GRB10: variants seen among roughly 807,000 people sequenced by gnomAD.
The protein encoded by GRB10 is growth factor receptor bound protein 10.
Under a neutral mutation model 80.9 loss-of-function variants are expected in GRB10, and 20 were observed. The ratio of observed to expected loss-of-function variants is 0.25; its 90% CI spans 0.17 to 0.36. GRB10 has a LOEUF of 0.36. GRB10 is among the 10% of genes least tolerant of loss of function. The pLI is 1.00. For synonymous variants in GRB10, 291 were observed against 291.5 expected, an observed-to-expected ratio of 1.00 and a Z score of 0.02; for missense variants, 548 against 747.7, an observed-to-expected ratio of 0.73 and a Z score of 3.12.
chr7:50,737,546 T>C (rs989898343), intron 3 of GRB10, among the ~76,000 whole-genome samples: 4 of 152,230 alleles, frequency 2.6e-5, no homozygotes, highest in Admixed American at 6.5e-5. Context: ...TAGTTCTTTA[T>C]AGCAATATAA....
chr7:50,669,766 G>C lies in GRB10; in HGVS notation c.460C>G (p.Leu154Val), dbSNP rs1337087416. Residue 154 changes from leucine (L) to valine (V), a missense_variant, in exon 7 of 19, where the codon CTC becomes GTC. Physicochemically the swap from Leu to Val is conservative, Grantham distance 32. Around this residue, in one of 4 missense-constraint regions of GRB10, gnomAD observed 245 missense variants for 229.3 expected, o/e 1.07. Coordinates refer to ENST00000401949, the MANE Select transcript of GRB10 (RefSeq NM_001350814.2). ...CTCGGAGGTAAAGAACCCGGCGTGA[G>C]CACAGGGGGGCTCCCAGGGCCACAG... ...ELCGPGSPPV[L>V]TPGSLPPSQA... is the part of the protein sequence containing the mutation. 5.6e-6 allele frequency: 9 copies of C among 1,613,816 alleles called. No homozygotes were observed. Among genetic ancestry groups the C allele is most frequent in the Middle Eastern group, 1.6e-4 (1 of 6,084 alleles).
intron 7 of GRB10, among the ~76,000 whole-genome samples, chr7:50,642,457 CATACAT>C (rs1219448402): frequency 1.3e-5 from 2 of 151,584 alleles, no homozygotes; most frequent in African/African-American, 4.9e-5. Flanking sequence ...ACACATGCTT[CATACAT>C]ACATATACAT....
Position 50,614,862 on chromosome 7 carries a change from G to A in GRB10, c.1003C>T (p.Leu335=), listed in dbSNP as rs755175774. Residue 335 remains leucine, a synonymous_variant, in exon 12 of 19, where the codon CTG becomes TTG. Coordinates refer to ENST00000401949, the MANE Select transcript of GRB10 (RefSeq NM_001350814.2). ...TTGCTGTCCTCCAGGTCGGCCAGCA[G>A]CTGCAGGTGTCTGGGTTCCTGTGAC... The part of the protein sequence containing the change: ...GTSKEPRHLQ[L]LADLEDSNIF... 2.1e-5 allele frequency: 34 copies of A among 1,613,428 alleles called. No individual in the cohort carries two copies. The highest frequency in any genetic ancestry group is 2.8e-5 in the Non-Finnish European group (33 of 1,179,404).
intron 5 of GRB10, among the ~76,000 whole-genome samples, chr7:50,675,128 C>T (rs143803662): frequency 6.6e-6 from 1 of 152,352 alleles, no homozygotes; most frequent in East Asian, 1.9e-4. Flanking sequence ...CCAACACTGA[C>T]ACTGGTTCCA....
chr7:50,637,884 C>T (rs560252244), intron 7 of GRB10, among the ~76,000 whole-genome samples: 5 of 152,102 alleles, frequency 3.3e-5, no homozygotes, highest in African/African-American at 4.8e-5. Context: ...ATAGAGAACA[C>T]AGAAATAAAG....
intron 3 of GRB10, among the ~76,000 whole-genome samples, chr7:50,747,360 T>C (rs2073141201): frequency 6.6e-6 from 1 of 152,188 alleles, no homozygotes; most frequent in South Asian, 2.1e-4. Context: ...ACAAAGGCGC[T>C]TACAGTCAAA....
intron 5 of GRB10, among the ~76,000 whole-genome samples, chr7:50,697,818 C>T (rs116249530): frequency 8.1e-4 from 123 of 152,288 alleles, no homozygotes; most frequent in African/African-American, 2.8e-3. Flanking sequence ...TGGGCTGAAC[C>T]ACCCCCACCC....
intron 3 of GRB10, among the ~76,000 whole-genome samples, chr7:50,745,515 C>A (rs534057632): frequency 6.6e-6 from 1 of 152,168 alleles, no homozygotes; most frequent in Non-Finnish European, 1.5e-5. Context: ...CCAACTATAA[C>A]CCCCACTGGT....
chr7:50,693,945 A>G (rs1207164590), intron 5 of GRB10, among the ~76,000 whole-genome samples: 6 of 150,972 alleles, frequency 4.0e-5, no homozygotes, highest in Non-Finnish European at 7.4e-5. Flanking sequence ...GGAGCAACAA[A>G]GTGTCTCTGG....
chr7:50,749,134 G>GTTGT (rs2073659870), intron 3 of GRB10, among the ~76,000 whole-genome samples: 1 of 137,906 alleles, frequency 7.3e-6, no homozygotes, highest in Non-Finnish European at 1.5e-5. Flanking sequence ...TTTTTTGTTT[G>GTTGT]TTTTTTTTTT....
At chr7:50,704,390 C>CT (rs1298645998) in intron 4 of GRB10, among the ~76,000 whole-genome samples, 1 of 152,144 alleles carries the variant, frequency 6.6e-6, no homozygotes, top group Non-Finnish European at 1.5e-5. Flanking sequence ...GTGAGAACAA[C>CT]ACTTTCAGGC....
At chr7:50,652,075 T>C (rs1322589889) in intron 7 of GRB10, among the ~76,000 whole-genome samples, 1 of 152,224 alleles carries the variant, frequency 6.6e-6, no homozygotes, top group African/African-American at 2.4e-5. Flanking sequence ...TAGGTAGAAT[T>C]TTGGATTTCA....
intron 13 of GRB10, among the ~76,000 whole-genome samples, chr7:50,608,817 T>A (rs2048972588): frequency 6.6e-6 from 1 of 151,760 alleles, no homozygotes; most frequent in Non-Finnish European, 1.5e-5. Context: ...ATACAAAAAT[T>A]AGCTGGGCAT....
At chr7:50,700,040 G>A (rs544655428) in intron 5 of GRB10, among the ~76,000 whole-genome samples, 5 of 152,164 alleles carry the variant, frequency 3.3e-5, no homozygotes, top group Admixed American at 2.6e-4. Flanking sequence ...TCGGGAGGCT[G>A]AGGCAGGAGA....
In GRB10 at chr7:50,669,821, C is replaced by T. The variant is rs2060179596; in HGVS notation, c.405G>A (p.Leu135=). ...CAGGAAAAGGATTGGGGATGGCCGG[C>T]AGAGATGAGGTTCTAAACTGCTGGT... The part of the protein sequence containing the change: ...EEDQQFRTSS[L]PAIPNPFPEL... Residue 135 remains leucine (L), a synonymous_variant, in exon 7 of 19, where the codon CTG becomes CTA. Coordinates refer to ENST00000401949, the MANE Select transcript of GRB10 (RefSeq NM_001350814.2). 6.2e-7 allele frequency: 1 copy of T among 1,613,752 alleles called. No individual in the cohort carries two copies. Among genetic ancestry groups the T allele is most frequent in the East Asian group, 2.2e-5 (1 of 44,864 alleles).
chr7:50,627,107 G>C, intron 7 of GRB10, 129 bp from the exon 8 acceptor site: 1 of 927,386 alleles, frequency 1.1e-6, no homozygotes, highest in Admixed American at 1.8e-5. Context: ...GTTTTTCCAG[G>C]CAGCCAACAG....
intron 13 of GRB10, among the ~76,000 whole-genome samples, chr7:50,611,844 T>C (rs1233195579): frequency 6.6e-6 from 1 of 152,192 alleles, no homozygotes; most frequent in Non-Finnish European, 1.5e-5. Context: ...CCTAGACCAT[T>C]GTATCCATTG....
intron 3 of GRB10, among the ~76,000 whole-genome samples, chr7:50,739,114 C>A (rs1283052573): frequency 6.6e-6 from 1 of 152,090 alleles, no homozygotes; most frequent in Non-Finnish European, 1.5e-5. Context: ...CTTAACAATG[C>A]CAATATTTAC....
At chr7:50,642,768 C>T (rs1322299969) in intron 7 of GRB10, among the ~76,000 whole-genome samples, 1 of 152,196 alleles carries the variant, frequency 6.6e-6, no homozygotes, top group Non-Finnish European at 1.5e-5. Context: ...CACACACACA[C>T]GCATAGACAC....
Sources: allele counts gnomAD v4.1 joint callset (sites outside exome capture counted in the v4.1 genomes callset), GRCh38; gene constraint gnomAD v4.1.1; regional missense constraint gnomAD v4.1.1; transcripts MANE v1.5; gene names NCBI Gene and HGNC (gene_info 2026-07-23, HGNC 2026-07-21).